The following HDX variants were observed in gnomAD, a reference collection of about 807,000 sequenced individuals.
HDX encodes chromosome X open reading frame 43.
A neutral mutation model predicts 45.2 loss-of-function variants in HDX; 19 were observed. That is an observed-to-expected ratio of 0.42 (90% confidence interval 0.29 to 0.62). The LOEUF (loss-of-function observed/expected upper bound fraction) is 0.62, where lower values mean the gene tolerates loss of function less well. Ranked by LOEUF, HDX falls within the 20% of genes least tolerant of loss-of-function variation. The pLI, the probability that HDX is intolerant of heterozygous loss-of-function variation, is 0.20. For synonymous variants in HDX, 188 were observed against 172.8 expected (o/e 1.09, Z -0.69); for missense variants, 532 against 493.9 (o/e 1.08, Z -0.73).
intron 9 of HDX, among the ~76,000 whole-genome samples, chrX:84,330,016 A>C (rs2036812862): frequency 9.0e-6 from 1 of 111,692 alleles, no homozygotes; most frequent in African/African-American, 3.2e-5. Context: ...AAATAATAAT[A>C]ATATATTGTA....
chrX:84,364,152 T>C (rs2147855809), intron 5 of HDX, among the ~76,000 whole-genome samples: 1 of 111,615 alleles, frequency 9.0e-6, no homozygotes, highest in East Asian at 2.8e-4. Context: ...CTGTTTTAAG[T>C]ATGTATCTTG....
intron 5 of HDX, among the ~76,000 whole-genome samples, chrX:84,405,453 A>T (rs1482678714): frequency 5.4e-5 from 6 of 110,363 alleles, no homozygotes; most frequent in Non-Finnish European, 1.1e-4. Context: ...TAAGTGAATT[A>T]AAACTATCTG....
intron 4 of HDX, among the ~76,000 whole-genome samples, chrX:84,465,466 T>G (rs2040332469): frequency 8.9e-6 from 1 of 112,581 alleles, no homozygotes; most frequent in South Asian, 3.6e-4. Flanking sequence ...GTGGCACATA[T>G]GCACCATGGA....
At chrX:84,466,328 G>A (rs2040352291) in intron 4 of HDX, among the ~76,000 whole-genome samples, 1 of 111,526 alleles carries the variant, frequency 9.0e-6, no homozygotes, top group African/African-American at 3.3e-5. Context: ...AGATTCCTGT[G>A]AAGTAGGAAT....
intron 10 of HDX, 67 bp downstream of exon 10, chrX:84,326,111 A>T: frequency 9.7e-7 from 1 of 1,030,057 alleles, no homozygotes; most frequent in Non-Finnish European, 1.4e-6. Flanking sequence ...CATATGAAGA[A>T]CCCAAGTGTG....
At chrX:84,422,818 G>A (rs935370591) in intron 5 of HDX, among the ~76,000 whole-genome samples, 5 of 107,593 alleles carry the variant, frequency 4.6e-5, no homozygotes, top group African/African-American at 6.8e-5. Flanking sequence ...ACAGGTGCCC[G>A]CCACCATGCC....
chrX:84,427,553 GTATGTGCTCTC>G (rs2039411797), intron 5 of HDX, among the ~76,000 whole-genome samples: 1 of 111,167 alleles, frequency 9.0e-6, no homozygotes, highest in Non-Finnish European at 1.9e-5. Context: ...AAGGCATACA[GTATGTGCTCTC>G]TTTTTAATCT....
chrX:84,484,316 C>T (rs754222101), intron 2 of HDX, among the ~76,000 whole-genome samples: 2 of 111,852 alleles, frequency 1.8e-5, no homozygotes, highest in East Asian at 5.6e-4. Context: ...TTAAGTGACT[C>T]ATAGTTCCAC....
In HDX at chrX:84,359,810, C is replaced by T. The variant is rs185093668; in HGVS notation, c.1452+1656G>A. 1.1e-3 allele frequency among the ~76,000 whole-genome samples: 122 copies of T among 111,697 alleles called. 1 individual carries two copies. Among genetic ancestry groups the T allele is most frequent in the African/African-American group, 3.6e-3 (112 of 30,770 alleles). ...TTGGATTAAAGACTTAAATGTAAAA[C>T]CCAAAACTATAAAAACCTTAGAAGA... On this transcript the variant is annotated intron_variant, in intron 6 of 10. Coordinates refer to ENST00000373177, the MANE Select transcript of HDX (RefSeq NM_001177479.2).
At chrX:84,341,306 G>T (rs1282856808) in intron 7 of HDX, among the ~76,000 whole-genome samples, 4 of 111,078 alleles carry the variant, frequency 3.6e-5, no homozygotes, top group Non-Finnish European at 7.6e-5. Flanking sequence ...AACTATATTA[G>T]AAATAAAGGG....
intron 7 of HDX, among the ~76,000 whole-genome samples, chrX:84,338,432 T>A (rs1409769148): frequency 9.0e-6 from 1 of 110,584 alleles, no homozygotes; most frequent in Non-Finnish European, 1.9e-5. Flanking sequence ...ATATCCATTA[T>A]CTCACATAGT....
intron 5 of HDX, among the ~76,000 whole-genome samples, chrX:84,370,684 C>T (rs1054916426): frequency 1.8e-5 from 2 of 112,101 alleles, no homozygotes; most frequent in South Asian, 3.7e-4. Context: ...TAACATTTTA[C>T]TTGTCTTACA....
chrX:84,392,966 A>G (rs1039141331), intron 5 of HDX, among the ~76,000 whole-genome samples: 1 of 97,877 alleles, frequency 1.0e-5, no homozygotes, highest in Admixed American at 1.1e-4. Flanking sequence ...TTGTTTCCCA[A>G]TTTGGTTGCT....
intron 5 of HDX, among the ~76,000 whole-genome samples, chrX:84,378,158 G>A (rs773921218): frequency 9.0e-6 from 1 of 111,627 alleles, no homozygotes; most frequent in East Asian, 2.8e-4. Flanking sequence ...CATATCCAGC[G>A]AAAATTCCCT....
chrX:84,437,944 A>C (rs1450580824), intron 5 of HDX, among the ~76,000 whole-genome samples: 1 of 111,235 alleles, frequency 9.0e-6, no homozygotes, highest in Non-Finnish European at 1.9e-5. Context: ...AACAGAGAGT[A>C]GCTCTCCTGA....
chrX:84,345,518 C>CGTTTA lies in HDX; in HGVS notation c.1453-1066_1453-1062dup, dbSNP rs1482908468. ...TCCATGATATATATTTACCCATGTT[C>CGTTTA]GTTTAACCATTTACCTGCTGAAGGA... On this transcript the variant is annotated intron_variant, in intron 6 of 10. Transcript: ENST00000373177. 6.3e-5 allele frequency among the ~76,000 whole-genome samples: 7 copies of CGTTTA among 111,510 alleles called. No homozygotes were observed. In the Admixed American group the frequency reaches 6.7e-4, roughly 11 times the overall value.
chrX:84,470,831 A>G (rs2040440554), intron 3 of HDX, among the ~76,000 whole-genome samples: 1 of 111,400 alleles, frequency 9.0e-6, no homozygotes, highest in South Asian at 3.7e-4. Context: ...TGCATACCAT[A>G]TTATAAACAC....
intron 3 of HDX, among the ~76,000 whole-genome samples, chrX:84,474,019 G>C (rs2040499443): frequency 8.9e-6 from 1 of 112,276 alleles, no homozygotes; most frequent in Admixed American, 9.4e-5. Context: ...GGCCGGGCGC[G>C]GTGGCTCACG....
At chrX:84,457,961 G>A (rs993931012) in intron 4 of HDX, among the ~76,000 whole-genome samples, 1 of 111,941 alleles carries the variant, frequency 8.9e-6, no homozygotes, top group Non-Finnish European at 1.9e-5. Context: ...GAACATTTGT[G>A]TGCAAATATC....
Sources: allele counts gnomAD v4.1 joint callset (sites outside exome capture counted in the v4.1 genomes callset), GRCh38; gene constraint gnomAD v4.1.1; transcripts MANE v1.5; gene names NCBI Gene and HGNC (gene_info 2026-07-23, HGNC 2026-07-21).